The following TMEM232 variants were observed in gnomAD, a reference collection of about 807,000 sequenced individuals.
The protein encoded by TMEM232 is transmembrane protein 232.
Under a neutral mutation model 78.8 loss-of-function variants are expected in TMEM232, and 80 were observed. The ratio of observed to expected loss-of-function variants is 1.01; its 90% CI spans 0.85 to 1.22. The LOEUF (loss-of-function observed/expected upper bound fraction) is 1.22. TMEM232 is among the 50% of genes most tolerant of loss of function. The pLI is 0.00. For synonymous variants in TMEM232, 297 were observed against 254.3 expected (o/e 1.17, Z -1.60); for missense variants, 881 against 742.2 (o/e 1.19, Z -2.17).
At chr5:110,445,390 C>A (rs995097092) in intron 12 of TMEM232, among the ~76,000 whole-genome samples, 3 of 152,032 alleles carry the variant, frequency 2.0e-5, no homozygotes, top group African/African-American at 7.2e-5. Flanking sequence ...TGAACATAAC[C>A]ATCACATTCC....
intron 2 of TMEM232, among the ~76,000 whole-genome samples, chr5:110,659,041 T>C (rs181955375): frequency 4.6e-4 from 70 of 152,212 alleles, no homozygotes; most frequent in African/African-American, 1.6e-3. Flanking sequence ...GGAAATGGAA[T>C]AGAACCCTCA....
At position 110,534,917 on chromosome 5, in the gene TMEM232, C is replaced by T. The variant is rs542020175; in HGVS notation, c.1456-6082G>A. 9.2e-5 allele frequency among the ~76,000 whole-genome samples: 14 copies of T among 152,032 alleles called. No homozygotes were observed. In the South Asian group the frequency reaches 1.7e-3, roughly 18 times the overall value. On this transcript the variant is annotated intron_variant, in intron 11 of 13. Coordinates refer to ENST00000455884, the MANE Select transcript of TMEM232 (RefSeq NM_001039763.4). ...AATGACAAATATTTCTTCTAACAAC[C>T]CCACAATATCACCCCTTACCACAAA... is the stretch of plus-strand genomic sequence containing the variant.
At chr5:110,460,670 CTTTT>C (rs34537993) in intron 12 of TMEM232, among the ~76,000 whole-genome samples, 1 of 139,058 alleles carries the variant, frequency 7.2e-6, no homozygotes, top group African/African-American at 2.6e-5. Flanking sequence ...TTGCATTTTT[CTTTT>C]TTTTTTTTTT....
At chr5:110,636,852 T>C (rs1271107664) in intron 5 of TMEM232, among the ~76,000 whole-genome samples, 1 of 152,062 alleles carries the variant, frequency 6.6e-6, no homozygotes, top group Non-Finnish European at 1.5e-5. Context: ...TTGCAGCTGC[T>C]ATCAGAACTG....
intron 12 of TMEM232, among the ~76,000 whole-genome samples, chr5:110,517,238 C>T (rs1768810508): frequency 6.6e-6 from 1 of 152,106 alleles, no homozygotes; most frequent in African/African-American, 2.4e-5. Flanking sequence ...GGTGTTGATT[C>T]ACTCTATTAA....
At chr5:110,536,092 T>C (rs932148283) in intron 11 of TMEM232, among the ~76,000 whole-genome samples, 7 of 152,218 alleles carry the variant, frequency 4.6e-5, no homozygotes, top group African/African-American at 1.7e-4. Flanking sequence ...ATCTGCTCCA[T>C]ACAGGGGAGT....
At chr5:110,553,735 T>C (rs1354552663) in intron 11 of TMEM232, among the ~76,000 whole-genome samples, 1 of 152,150 alleles carries the variant, frequency 6.6e-6, no homozygotes, top group Non-Finnish European at 1.5e-5. Flanking sequence ...ATTGCTCTGG[T>C]TAGGACTTCC....
intron 10 of TMEM232, among the ~76,000 whole-genome samples, chr5:110,599,662 T>C (rs893560301): frequency 1.2e-4 from 18 of 152,174 alleles, no homozygotes; most frequent in African/African-American, 4.1e-4. Flanking sequence ...CTCAGATTCA[T>C]AAAGCAAGTT....
chr5:110,485,592 G>C (rs967992681), intron 12 of TMEM232, among the ~76,000 whole-genome samples: 2 of 152,074 alleles, frequency 1.3e-5, no homozygotes, highest in Non-Finnish European at 2.9e-5. Context: ...GCTTCACTTA[G>C]AATAATAGTC....
chr5:110,625,506 T>C lies in TMEM232; in HGVS notation c.602-73A>G, dbSNP rs951828460. On this transcript the variant is annotated intron_variant, in intron 6 of 13. Coordinates refer to ENST00000455884, the MANE Select transcript of TMEM232 (RefSeq NM_001039763.4). ...CACTGTGTTTCATTTGTCTTTTAGCTATTAAACTATAATTAAATTCAGTAC... is the reference window on the plus strand; with the variant it reads ...CACTGTGTTTCATTTGTCTTTTAGCCATTAAACTATAATTAAATTCAGTAC... 6.1e-6 allele frequency: 8 copies of C among 1,311,216 alleles called. No individual in the cohort carries two copies. The African/African-American group carries it at 7.5e-5, about 12-fold the overall frequency. 81.2% of individuals were successfully genotyped at this position (1,311,216 alleles called of 1,614,324 possible).
chr5:110,700,232 T>C (rs1452539642), intron 1 of TMEM232, among the ~76,000 whole-genome samples: 2 of 152,052 alleles, frequency 1.3e-5, no homozygotes, highest in African/African-American at 4.8e-5. Context: ...GACTATTATA[T>C]TGAAAGATTT....
intron 12 of TMEM232, among the ~76,000 whole-genome samples, chr5:110,443,287 C>A (rs1164112190): frequency 6.6e-6 from 1 of 152,064 alleles, no homozygotes; most frequent in Admixed American, 6.5e-5. Flanking sequence ...AGCTGGCACT[C>A]AAACTACAAT....
At chr5:110,396,230 T>C (rs1580547851) in intron 3 of TMEM232, among the ~76,000 whole-genome samples, 1 of 152,144 alleles carries the variant, frequency 6.6e-6, no homozygotes, top group African/African-American at 2.4e-5. Flanking sequence ...CCTCACTATT[T>C]TGAGAACAGC....
intron 12 of TMEM232, among the ~76,000 whole-genome samples, chr5:110,468,616 A>G (rs1253435355): frequency 1.3e-5 from 2 of 152,164 alleles, no homozygotes; most frequent in African/African-American, 4.8e-5. Flanking sequence ...ATATGTCATG[A>G]TTATATAAGT....
downstream of TMEM232, among the ~76,000 whole-genome samples, chr5:110,418,553 A>G (rs1180816724): frequency 1.3e-5 from 2 of 152,128 alleles, no homozygotes; most frequent in South Asian, 4.1e-4. Flanking sequence ...CTTTCTCTAT[A>G]TATCTATATA....
intron 12 of TMEM232, among the ~76,000 whole-genome samples, chr5:110,470,628 C>T (rs1057505656): frequency 2.0e-5 from 3 of 152,166 alleles, no homozygotes; most frequent in Admixed American, 6.5e-5. Context: ...CAAACTCCTA[C>T]AGCATAGGCC....
Position 110,572,496 on chromosome 5 carries a change from C to CTTG in TMEM232, c.1277-3872_1277-3871insCAA, listed in dbSNP as rs1777067337. On this transcript the variant is annotated intron_variant, in intron 10 of 13. Coordinates refer to ENST00000455884, the MANE Select transcript of TMEM232 (RefSeq NM_001039763.4). ...AGACTCTCAACATTAACACAAATGA[C>CTTG]TGACAAAAACACATACAAACCACTT... Among the ~76,000 whole-genome samples the CTTG allele has an allele frequency of 2.6e-5, 4 of 152,060 alleles. 1 individual carries two copies. The South Asian group carries it at 8.3e-4, about 31-fold the overall frequency.
At chr5:110,705,049 G>A (rs1024501706) in intron 1 of TMEM232, among the ~76,000 whole-genome samples, 21 of 152,088 alleles carry the variant, frequency 1.4e-4, no homozygotes, top group African/African-American at 4.6e-4. Context: ...CAACCAGAGA[G>A]AATGTGAAAA....
chr5:110,452,864 A>C (rs562584250), intron 12 of TMEM232, among the ~76,000 whole-genome samples: 1 of 152,316 alleles, frequency 6.6e-6, no homozygotes, highest in South Asian at 2.1e-4. Context: ...ATAAGTAATG[A>C]AAGGTAGGGT....
Sources: allele counts gnomAD v4.1 joint callset (sites outside exome capture counted in the v4.1 genomes callset), GRCh38; gene constraint gnomAD v4.1.1; transcripts MANE v1.5; gene names NCBI Gene and HGNC (gene_info 2026-07-23, HGNC 2026-07-21).